The following SYT13 variants were observed in gnomAD, a reference collection of about 807,000 sequenced individuals.
SYT13 encodes the protein synaptotagmin-13.
A neutral mutation model predicts 38.6 loss-of-function variants in SYT13; 21 were observed. The ratio of observed to expected loss-of-function variants is 0.54; its 90% CI spans 0.39 to 0.78. The LOEUF is 0.78. Among genes scored for constraint, SYT13 ranks in the 30% least tolerant of loss-of-function variants. The pLI is 0.00. For synonymous variants in SYT13, 241 were observed against 237.6 expected (o/e 1.01, Z -0.13); for missense variants, 495 against 548.7 (o/e 0.90, Z 0.98).
Position 45,254,322 on chromosome 11 carries a change from G to A in SYT13, c.492C>T (p.Tyr164=), listed in dbSNP as rs1465913044. The A allele has an allele frequency of 6.2e-7, 1 of 1,613,784 alleles. No homozygotes were observed. The highest frequency in any genetic ancestry group is 8.5e-7 in the Non-Finnish European group (1 of 1,179,884). The part of the protein sequence containing the change: ...ASWNQAPKLH[Y]CLDYDCQKAE... ...CCTTCTGACAGTCATAGTCCAGGCA[G>A]TAGTGGAGTTTGGGGGCCTGGTTCC... is the stretch of plus-strand genomic sequence containing the variant. Residue 164 remains tyrosine (Y), a synonymous_variant, in exon 3 of 6, where the codon TAC becomes TAT. Coordinates refer to ENST00000020926, the MANE Select transcript of SYT13 (RefSeq NM_020826.3).
intron 1 of SYT13, among the ~76,000 whole-genome samples, chr11:45,277,600 A>T (rs956274963): frequency 6.6e-6 from 1 of 151,964 alleles, no homozygotes; most frequent in African/African-American, 2.4e-5. Flanking sequence ...CTTCAGCCAC[A>T]CTGGCTTTTC....
rs764047144 is a variant in SYT13, at chr11:45,252,418, T to C, written c.846+3A>G. 1.3e-6 allele frequency: 2 copies of C among 1,570,214 alleles called. No homozygotes were observed. The highest frequency in any genetic ancestry group is 1.1e-5 in the South Asian group (1 of 87,900). On this transcript the variant is annotated splice_donor_region_variant and intron_variant, in intron 4 of 5. Coordinates refer to ENST00000020926, the MANE Select transcript of SYT13 (RefSeq NM_020826.3). The surrounding 1 kb of genome is among the most constrained non-coding windows in gnomAD (Gnocchi z 4.3). The stretch of plus-strand genomic sequence containing the variant: ...TACCTTTCTAACCCAGGGGTTACCC[T>C]ACCTTCGCTGAAGTCTTCAGCTCGC...
intron 1 of SYT13, 51 bp from the exon 2 acceptor site, chr11:45,255,942 T>C (rs1373451760): frequency 1.3e-6 from 2 of 1,585,606 alleles, no homozygotes; most frequent in African/African-American, 1.3e-5. Flanking sequence ...CTCTTGTCTG[T>C]TTCCCCCCAT....
At chr11:45,272,206 G>T (rs1188072101) in intron 1 of SYT13, among the ~76,000 whole-genome samples, 1 of 152,056 alleles carries the variant, frequency 6.6e-6, no homozygotes, top group Non-Finnish European at 1.5e-5. Flanking sequence ...GGGTGGGGTG[G>T]TTGGGGAGGG....
At chr11:45,260,378 T>C (rs1854800140) in intron 1 of SYT13, among the ~76,000 whole-genome samples, 1 of 152,202 alleles carries the variant, frequency 6.6e-6, no homozygotes, top group African/African-American at 2.4e-5. Context: ...TGCATCTATA[T>C]TTGCACTTAA....
intron 1 of SYT13, among the ~76,000 whole-genome samples, chr11:45,275,415 C>A (rs1854999092): frequency 6.6e-6 from 1 of 152,110 alleles, no homozygotes; most frequent in African/African-American, 2.4e-5. Flanking sequence ...TATGCAACTC[C>A]CCCTCATTAT....
rs112835220 is a variant in SYT13, at chr11:45,246,539, G to A, written c.847-27C>T. 46 of 1,611,786 alleles carry A rather than the reference G, an allele frequency of 2.9e-5. No homozygotes were observed. The African/African-American group carries it at 5.6e-4, about 20-fold the overall frequency. ...TGAAACAGAAAAGGAGATGCAGGAG[G>A]GGAGTCTCACCTGGGGACGCCTTCC... is the stretch of plus-strand genomic sequence containing the variant. On this transcript the variant is annotated intron_variant, in intron 4 of 5. Coordinates refer to ENST00000020926, the MANE Select transcript of SYT13 (RefSeq NM_020826.3).
chr11:45,258,696 C>T (rs951034101), intron 1 of SYT13, among the ~76,000 whole-genome samples: 5 of 152,080 alleles, frequency 3.3e-5, no homozygotes, highest in African/African-American at 9.7e-5. Context: ...CCTGGGAGGC[C>T]GAGCTGGCCT....
chr11:45,247,345 G>A (rs956171136), intron 4 of SYT13, among the ~76,000 whole-genome samples: 25 of 152,218 alleles, frequency 1.6e-4, no homozygotes, highest in Middle Eastern at 3.2e-3. Context: ...AAGGTCAGAA[G>A]TCTCCTCTGT....
At chr11:45,251,386 T>A (rs1405207988) in intron 4 of SYT13, among the ~76,000 whole-genome samples, 15 of 75,346 alleles carry the variant, frequency 2.0e-4, no homozygotes, top group African/African-American at 6.9e-4. Context: ...AGACTCTGTC[T>A]AAAAAAAAAA....
intron 1 of SYT13, among the ~76,000 whole-genome samples, chr11:45,279,429 T>C (rs1271753126): frequency 6.6e-6 from 1 of 151,814 alleles, no homozygotes; most frequent in Non-Finnish European, 1.5e-5. Flanking sequence ...AAAATAAATT[T>C]AAAAGAAATT....
chr11:45,266,324 G>A (rs1365488795), intron 1 of SYT13, among the ~76,000 whole-genome samples: 1 of 152,102 alleles, frequency 6.6e-6, no homozygotes, highest in Non-Finnish European at 1.5e-5. Context: ...AGGAGCAATT[G>A]GGGATCTTTC....
intron 4 of SYT13, among the ~76,000 whole-genome samples, chr11:45,247,683 C>A (rs951816167): frequency 1.3e-5 from 2 of 152,150 alleles, no homozygotes; most frequent in Non-Finnish European, 2.9e-5. Flanking sequence ...GGGTTGAAAT[C>A]GGTTTTTCTT....
At chr11:45,261,418 C>T (rs1305683919) in intron 1 of SYT13, among the ~76,000 whole-genome samples, 5 of 151,892 alleles carry the variant, frequency 3.3e-5, no homozygotes, top group African/African-American at 7.3e-5. Context: ...GGTGAAACCC[C>T]GTCTCTACTA....
chr11:45,255,931 C>G, intron 1 of SYT13, 40 bp from the exon 2 acceptor site: 1 of 1,600,112 alleles, frequency 6.2e-7, no homozygotes, highest in Non-Finnish European at 8.6e-7. Flanking sequence ...ACAAAGGAGC[C>G]CTCTTGTCTG....
rs148008029 is a variant in SYT13, at chr11:45,268,929, G to C, written c.184-13038C>G. Among the ~76,000 whole-genome samples the C allele has an allele frequency of 8.0e-3, 1,216 of 152,322 alleles. 14 individuals carry two copies. Among genetic ancestry groups the C allele is most frequent in the African/African-American group, 0.027 (1,121 of 41,560 alleles). ...ACACTGATTGCTACCCCGACGCACAGTCTGTATGTGTGCTGGTTGCAGGGA... is the reference window on the plus strand; with the variant it reads ...ACACTGATTGCTACCCCGACGCACACTCTGTATGTGTGCTGGTTGCAGGGA... On this transcript the variant is annotated intron_variant, in intron 1 of 5. Transcript: ENST00000020926.
chr11:45,285,515 G>A (rs1240700310), intron 1 of SYT13, among the ~76,000 whole-genome samples: 4 of 152,130 alleles, frequency 2.6e-5, no homozygotes, highest in Middle Eastern at 3.4e-3. Context: ...CTCCCCTCTG[G>A]CTTTGCAGGC....
intron 1 of SYT13, among the ~76,000 whole-genome samples, chr11:45,278,435 T>A (rs868096381): frequency 2.1e-4 from 32 of 152,102 alleles, no homozygotes; most frequent in African/African-American, 7.2e-4. Context: ...GTCTTCTGGG[T>A]CTGATGCTTC....
intron 1 of SYT13, among the ~76,000 whole-genome samples, chr11:45,284,413 T>G (rs1167651128): frequency 6.6e-6 from 1 of 152,188 alleles, no homozygotes; most frequent in East Asian, 1.9e-4. Flanking sequence ...CATTAATTAG[T>G]GTACTCTGAA....
Sources: gnomAD v4.1 joint callset for allele counts (sites outside exome capture counted in the v4.1 genomes callset) on GRCh38, gnomAD v4.1.1 for gene constraint, Gnocchi (gnomAD v3.1) non-coding constraint, MANE v1.5 for transcripts, NCBI Gene and HGNC (gene_info 2026-07-23, HGNC 2026-07-21) for gene names.